The following FOXN2 variants were observed in gnomAD, a reference collection of about 807,000 sequenced individuals.
FOXN2 encodes the protein forkhead box protein N2.
A neutral mutation model predicts 41.2 loss-of-function variants in FOXN2; 19 were observed. The observed-to-expected ratio is 0.46, with a 90% CI of 0.32 to 0.68. FOXN2 has a LOEUF of 0.68. Ranked by LOEUF, FOXN2 falls within the 30% of genes least tolerant of loss-of-function variation. FOXN2 has a pLI of 0.03. For synonymous variants in FOXN2, 195 were observed against 176.8 expected, an observed-to-expected ratio of 1.10 and a Z score of -0.82; for missense variants, 587 against 509.4, an observed-to-expected ratio of 1.15 and a Z score of -1.47.
chr2:48,339,685 A>AT (rs1391509247), intron 2 of FOXN2, among the ~76,000 whole-genome samples: 5 of 152,170 alleles, frequency 3.3e-5, no homozygotes, highest in African/African-American at 1.2e-4. Flanking sequence ...CTGATTCAGC[A>AT]TTTTTTGGTA....
Position 48,367,865 on chromosome 2 carries a change from G to A in FOXN2, c.703+5158G>A, listed in dbSNP as rs796999567. Reference sequence around the variant, plus strand: ...TTGTTTATTTTTTGTTTTTTGAAATGGTGTCTCGCTCTGTCAACCAGGCTG... The same window carrying A: ...TTGTTTATTTTTTGTTTTTTGAAATAGTGTCTCGCTCTGTCAACCAGGCTG... On this transcript the variant is annotated intron_variant, in intron 5 of 6. Coordinates refer to ENST00000340553, the MANE Select transcript of FOXN2 (RefSeq NM_002158.4). 5.9e-5 allele frequency among the ~76,000 whole-genome samples: 9 copies of A among 152,184 alleles called. 1 individual carries two copies. The highest frequency in any genetic ancestry group is 2.2e-4 in the African/African-American group (9 of 41,546).
chr2:48,340,562 A>G (rs576774319), intron 2 of FOXN2: 48 of 152,322 alleles, frequency 3.2e-4, no homozygotes, highest in African/African-American at 1.1e-3. Context: ...TCTTCTCAAG[A>G]TACCGCCATG....
intron 3 of FOXN2, among the ~76,000 whole-genome samples, chr2:48,356,028 G>C (rs1558632184): frequency 6.6e-6 from 1 of 152,192 alleles, no homozygotes; most frequent in Non-Finnish European, 1.5e-5. Flanking sequence ...GGTAGGTTGA[G>C]ACACGACAAT....
At chr2:48,326,889 G>A (rs1669713254) in intron 1 of FOXN2, among the ~76,000 whole-genome samples, 1 of 152,072 alleles carries the variant, frequency 6.6e-6, no homozygotes. Flanking sequence ...ATATTCCAAA[G>A]TCCCAAAAAA....
At chr2:48,344,666 GCTAA>G (rs758920411) in intron 2 of FOXN2, among the ~76,000 whole-genome samples, 1 of 152,148 alleles carries the variant, frequency 6.6e-6, no homozygotes, top group African/African-American at 2.4e-5. Context: ...GTGCTCTGAG[GCTAA>G]CTACTTCTGG....
intron 2 of FOXN2, among the ~76,000 whole-genome samples, chr2:48,331,427 A>T (rs1244472747): frequency 6.6e-6 from 1 of 152,242 alleles, no homozygotes; most frequent in East Asian, 1.9e-4. Flanking sequence ...AGCACTTTTT[A>T]AAGGTATTGA....
chr2:48,317,990 G>C (rs1227358389), intron 1 of FOXN2, among the ~76,000 whole-genome samples: 1 of 152,084 alleles, frequency 6.6e-6, no homozygotes, highest in African/African-American at 2.4e-5. Context: ...GGGATCAAAA[G>C]AATGTTTATT....
chr2:48,353,685 C>G (rs1010316766), intron 3 of FOXN2, among the ~76,000 whole-genome samples: 2 of 151,552 alleles, frequency 1.3e-5, no homozygotes, highest in African/African-American at 4.9e-5. Context: ...GCATAATTCT[C>G]TTTAATTGTG....
At chr2:48,370,234 A>C (rs1672801767) in intron 5 of FOXN2, among the ~76,000 whole-genome samples, 1 of 152,158 alleles carries the variant, frequency 6.6e-6, no homozygotes, top group Non-Finnish European at 1.5e-5. Flanking sequence ...ACAGAGACAC[A>C]ATATGGGCTA....
intron 5 of FOXN2, among the ~76,000 whole-genome samples, chr2:48,371,890 T>C (rs1412655398): frequency 6.6e-6 from 1 of 152,192 alleles, no homozygotes; most frequent in Non-Finnish European, 1.5e-5. Context: ...TAATTTTGTA[T>C]CTTGCAACTT....
rs189953920 is a variant in FOXN2 at position 48,318,055 on chromosome 2, A to G, written c.-157+3241A>G. On this transcript the variant is annotated intron_variant, in intron 1 of 6. Coordinates refer to ENST00000340553, the MANE Select transcript of FOXN2 (RefSeq NM_002158.4). ...TATATACTTTATTTCCCTTACCCTA[A>G]CTTTTCTATTTAAATAAACTTTTTA... 3.3e-3 allele frequency among the ~76,000 whole-genome samples: 496 copies of G among 152,162 alleles called. 5 individuals are homozygous for G. The highest frequency in any genetic ancestry group is 0.011 in the African/African-American group (469 of 41,520).
At chr2:48,321,022 T>C (rs898329562) in intron 1 of FOXN2, among the ~76,000 whole-genome samples, 1 of 152,180 alleles carries the variant, frequency 6.6e-6, no homozygotes, top group Non-Finnish European at 1.5e-5. Flanking sequence ...TTTTTTTAAC[T>C]TGCCCCAAAG....
At chr2:48,352,410 T>G (rs896132712) in intron 3 of FOXN2, among the ~76,000 whole-genome samples, 1 of 152,248 alleles carries the variant, frequency 6.6e-6, no homozygotes, top group Non-Finnish European at 1.5e-5. Flanking sequence ...GCTTAATTCT[T>G]TGTTTACCTG....
At chr2:48,338,319 C>T (rs1223634155) in intron 2 of FOXN2, among the ~76,000 whole-genome samples, 1 of 152,036 alleles carries the variant, frequency 6.6e-6, no homozygotes, top group East Asian at 1.9e-4. Context: ...GATAAAAGGC[C>T]TTGCATTCTT....
At chr2:48,366,937 A>G (rs186975595) in intron 5 of FOXN2, among the ~76,000 whole-genome samples, 102 of 152,270 alleles carry the variant, frequency 6.7e-4, no homozygotes, top group African/African-American at 1.6e-3. Flanking sequence ...TTGGCCTCCA[A>G]TATTAAAACT....
chr2:48,334,996 A>G (rs1434850498), intron 2 of FOXN2, among the ~76,000 whole-genome samples: 7 of 152,198 alleles, frequency 4.6e-5, no homozygotes, highest in Non-Finnish European at 1.0e-4. Flanking sequence ...CTGGGCTGTT[A>G]CTACTCCCAA....
chr2:48,336,158 C>T (rs936031039), intron 2 of FOXN2, among the ~76,000 whole-genome samples: 2 of 152,026 alleles, frequency 1.3e-5, no homozygotes, highest in African/African-American at 4.8e-5. Context: ...GATACCAGCA[C>T]TTTGGGAGGC....
At chr2:48,366,658 A>G (rs139961013) in intron 5 of FOXN2, among the ~76,000 whole-genome samples, 3 of 152,264 alleles carry the variant, frequency 2.0e-5, no homozygotes, top group Non-Finnish European at 4.4e-5. Context: ...GATGCTTTGC[A>G]TGCATTATCT....
rs961637765 is a variant in FOXN2, at chr2:48,377,713, G to C, written c.*2270G>C. ...GTGCACTGAAAGCTAACAGGGAGAGGTTACACAATATTTTACAGTTTCTTA... is the reference window on the plus strand; with the variant it reads ...GTGCACTGAAAGCTAACAGGGAGAGCTTACACAATATTTTACAGTTTCTTA... On this transcript the variant is annotated 3_prime_UTR_variant, in exon 7 of 7. Transcript: ENST00000340553. 3 of 152,016 alleles carry C rather than the reference G, an allele frequency of 2.0e-5. No individual in the cohort carries two copies. The highest frequency in any genetic ancestry group is 4.4e-5 in the Non-Finnish European group (3 of 67,908). 9.4% of individuals were successfully genotyped at this position (152,016 alleles called of 1,614,324 possible).
Sources: gnomAD v4.1 joint callset for allele counts (sites outside exome capture counted in the v4.1 genomes callset) on GRCh38, gnomAD v4.1.1 for gene constraint, MANE v1.5 for transcripts, NCBI Gene and HGNC (gene_info 2026-07-23, HGNC 2026-07-21) for gene names.